RGS7: variants seen among roughly 807,000 people sequenced by gnomAD.
The protein encoded by RGS7 is regulator of G protein signaling 7.
In RGS7, 27 loss-of-function variants were observed where a neutral mutation model predicts 81.1. That is an observed-to-expected ratio of 0.33 (90% CI 0.25 to 0.46). The LOEUF (loss-of-function observed/expected upper bound fraction) is 0.46, where lower values mean the gene tolerates loss of function less well. Among genes scored for constraint, RGS7 ranks in the 20% least tolerant of loss-of-function variants. The pLI is 1.00. For missense variants in RGS7, 396 were observed against 607.4 expected (o/e 0.65, Z 3.66); for synonymous variants, 208 against 207.7 (o/e 1.00, Z -0.01).
chr1:241,209,505 T>G (rs1443384962), intron 2 of RGS7, among the ~76,000 whole-genome samples: 4 of 151,870 alleles, frequency 2.6e-5, no homozygotes, highest in Non-Finnish European at 1.5e-5. Flanking sequence ...TTATCAAGAG[T>G]TTATCATGTA....
intron 3 of RGS7, among the ~76,000 whole-genome samples, chr1:241,069,024 T>C (rs2062267224): frequency 6.6e-6 from 1 of 152,174 alleles, no homozygotes; most frequent in South Asian, 2.1e-4. Flanking sequence ...CCTTCTGCCA[T>C]GACTGGAAGC....
At chr1:240,885,112 A>G (rs1558411373) in intron 6 of RGS7, among the ~76,000 whole-genome samples, 1 of 152,240 alleles carries the variant, frequency 6.6e-6, no homozygotes, top group Non-Finnish European at 1.5e-5. Context: ...CACTTTTCCA[A>G]ACAAGACATG....
chr1:241,018,375 G>C (rs548159427), intron 3 of RGS7, among the ~76,000 whole-genome samples: 1 of 152,014 alleles, frequency 6.6e-6, no homozygotes, highest in East Asian at 1.9e-4. Flanking sequence ...TCAGGTAAAA[G>C]GGACTCAGGT....
At chr1:241,260,495 T>G (rs1186661167) in intron 2 of RGS7, among the ~76,000 whole-genome samples, 1 of 152,234 alleles carries the variant, frequency 6.6e-6, no homozygotes, top group Non-Finnish European at 1.5e-5. Flanking sequence ...TGCTTTAAAA[T>G]TCTAAATAAA....
intron 2 of RGS7, among the ~76,000 whole-genome samples, chr1:241,327,165 A>AAGAAAG (rs1214550327): frequency 0.022 from 2,728 of 126,858 alleles, 382 homozygotes; most frequent in East Asian, 0.068. Flanking sequence ...GAAAGAAAGA[A>AAGAAAG]ACACACAGAC....
At chr1:241,043,743 G>A (rs1286199523) in intron 3 of RGS7, among the ~76,000 whole-genome samples, 2 of 151,442 alleles carry the variant, frequency 1.3e-5, no homozygotes, top group Non-Finnish European at 2.9e-5. Context: ...AAACCCAGTA[G>A]AGTATAACAA....
chr1:240,886,281 A>G (rs991646674), intron 6 of RGS7, among the ~76,000 whole-genome samples: 11 of 152,206 alleles, frequency 7.2e-5, no homozygotes, highest in African/African-American at 2.2e-4. Flanking sequence ...AAGTACCACA[A>G]TAATCCATCC....
chr1:241,265,021 C>T (rs147483227), intron 2 of RGS7, among the ~76,000 whole-genome samples: 9 of 152,288 alleles, frequency 5.9e-5, no homozygotes, highest in Admixed American at 2.6e-4. Context: ...CTCTGAGTGG[C>T]GGCCTTCAGT....
intron 2 of RGS7, among the ~76,000 whole-genome samples, chr1:241,346,399 C>CG (rs2082899895): frequency 1.4e-4 from 2 of 14,378 alleles, no homozygotes; most frequent in Non-Finnish European, 0.019. Flanking sequence ...ACAGCCAAGG[C>CG]CAATGCATAT....
In RGS7 at chr1:240,823,063, T is replaced by A. The variant is rs993424381; in HGVS notation, c.684+4035A>T. 10 of 732,186 alleles carry A rather than the reference T, an allele frequency of 1.4e-5. No individual in the cohort carries two copies. The African/African-American group carries it at 1.6e-4, about 11-fold the overall frequency. The allele number at this position is 732,186 out of a possible 1,614,324, so 45.4% of individuals were successfully genotyped here. A position where few individuals can be genotyped will look rare whatever the true frequency, so the allele number is the denominator to read the frequency against. On this transcript the variant is annotated intron_variant, in intron 10 of 18. Transcript: ENST00000440928. Reference sequence around the variant, plus strand: ...TAAATCTAGTCGTTTCTTAGCCTCCTCAATGTCACCTGGAATTGCTGAAAT... The same window carrying A: ...TAAATCTAGTCGTTTCTTAGCCTCCACAATGTCACCTGGAATTGCTGAAAT...
At chr1:241,161,163 G>T (rs2069625798) in intron 2 of RGS7, among the ~76,000 whole-genome samples, 1 of 152,088 alleles carries the variant, frequency 6.6e-6, no homozygotes, top group African/African-American at 2.4e-5. Flanking sequence ...ATATGCAGTT[G>T]TATCAAAAAA....
At chr1:241,323,336 C>T (rs1170764208) in intron 2 of RGS7, among the ~76,000 whole-genome samples, 1 of 152,198 alleles carries the variant, frequency 6.6e-6, no homozygotes, top group Non-Finnish European at 1.5e-5. Context: ...TTGCAAGATA[C>T]AGTCTACTTC....
chr1:240,959,934 T>C (rs957328908), intron 4 of RGS7, among the ~76,000 whole-genome samples: 5 of 152,006 alleles, frequency 3.3e-5, no homozygotes, highest in African/African-American at 1.2e-4. Flanking sequence ...CTGAGGTGGG[T>C]GGTTCACCTG....
chr1:240,936,748 A>G, intron 4 of RGS7, 42 bp from the exon 5 acceptor site: 1 of 1,440,260 alleles, frequency 6.9e-7, no homozygotes, highest in Non-Finnish European at 9.8e-7. Context: ...AAAGCCTTTT[A>G]AATGTATTCT....
At chr1:241,101,531 G>GA (rs554208784) in intron 2 of RGS7, among the ~76,000 whole-genome samples, 2 of 150,966 alleles carry the variant, frequency 1.3e-5, no homozygotes, top group Admixed American at 1.3e-4. Flanking sequence ...AAAAAAGAAA[G>GA]AAAAAAAATG....
At chr1:241,212,858 T>A (rs1472887618) in intron 2 of RGS7, among the ~76,000 whole-genome samples, 1 of 152,138 alleles carries the variant, frequency 6.6e-6, no homozygotes, top group Non-Finnish European at 1.5e-5. Flanking sequence ...AAGCCACACC[T>A]CCTCCCACTG....
chr1:240,787,585 T>G, intron 18 of RGS7, among the ~76,000 whole-genome samples: 1 of 152,190 alleles, frequency 6.6e-6, no homozygotes, highest in East Asian at 1.9e-4. Flanking sequence ...ATCAGTAATT[T>G]GAAAGATTAA....
intron 3 of RGS7, among the ~76,000 whole-genome samples, chr1:241,083,592 T>C (rs2063272450): frequency 6.6e-6 from 1 of 152,208 alleles, no homozygotes; most frequent in Admixed American, 6.5e-5. Flanking sequence ...GGACTAGCTT[T>C]TTGCAAATTG....
intron 2 of RGS7, among the ~76,000 whole-genome samples, chr1:241,238,721 T>A (rs2076112031): frequency 6.6e-6 from 1 of 151,682 alleles, no homozygotes; most frequent in Non-Finnish European, 1.5e-5. Context: ...AACCCTCTCT[T>A]AAATACAAGC....
Sources: allele counts gnomAD v4.1 joint callset (sites outside exome capture counted in the v4.1 genomes callset), GRCh38; gene constraint gnomAD v4.1.1; transcripts MANE v1.5; gene names NCBI Gene and HGNC (gene_info 2026-07-23, HGNC 2026-07-21).